The following FNDC3B variants were observed in gnomAD, a reference collection of about 807,000 sequenced individuals.
The protein encoded by FNDC3B is fibronectin type III domain containing 3B, also known as fibronectin type III domain-containing protein 3B.
In FNDC3B, 12 loss-of-function variants were observed where a neutral mutation model predicts 151.5. That is an observed-to-expected ratio of 0.08 (90% confidence interval 0.05 to 0.13). The LOEUF is 0.13. FNDC3B is among the 10% of genes least tolerant of loss of function. FNDC3B has a pLI of 1.00. For synonymous variants in FNDC3B, 528 were observed against 549.0 expected (o/e 0.96, Z 0.54); for missense variants, 1,214 against 1,505.3 (o/e 0.81, Z 3.20).
chr3:172,075,073 G>A (rs1008539163), intron 1 of FNDC3B, among the ~76,000 whole-genome samples: 5 of 152,110 alleles, frequency 3.3e-5, no homozygotes, highest in African/African-American at 7.2e-5. Flanking sequence ...TGAAGGAAGA[G>A]GTCTTTGATG....
chr3:172,341,374 G>A (rs1318459018), intron 17 of FNDC3B, 143 bp downstream of exon 17: 9 of 707,244 alleles, frequency 1.3e-5, no homozygotes, highest in Non-Finnish European at 2.3e-5. Flanking sequence ...GAAAAATAGA[G>A]CTTTCTGAAT....
At chr3:172,205,899 T>C (rs1032747934) in intron 3 of FNDC3B, among the ~76,000 whole-genome samples, 3 of 152,226 alleles carry the variant, frequency 2.0e-5, no homozygotes, top group Non-Finnish European at 2.9e-5. Flanking sequence ...GGCTGGGTAA[T>C]ACATTTTGTT....
chr3:172,154,441 C>T (rs565008605), intron 3 of FNDC3B, among the ~76,000 whole-genome samples: 177 of 152,280 alleles, frequency 1.2e-3, no homozygotes, highest in African/African-American at 4.0e-3. Context: ...GTCCTGACCT[C>T]GTGATCCGCC....
At chr3:172,232,629 A>C (rs1418239727) in intron 4 of FNDC3B, among the ~76,000 whole-genome samples, 1 of 152,152 alleles carries the variant, frequency 6.6e-6, no homozygotes, top group African/African-American at 2.4e-5. Context: ...TCAACTTGAG[A>C]GAAAATATAG....
intron 3 of FNDC3B, among the ~76,000 whole-genome samples, chr3:172,188,699 C>T (rs946197228): frequency 2.0e-5 from 3 of 152,168 alleles, no homozygotes; most frequent in African/African-American, 7.2e-5. Flanking sequence ...GCCACGGCTC[C>T]CGGCCCGAAA....
Position 172,344,083 on chromosome 3 carries a change from C to G in FNDC3B, c.2078-3C>G. On this transcript the variant is annotated splice_polypyrimidine_tract_variant and splice_region_variant and intron_variant, in intron 18 of 25. Coordinates refer to ENST00000415807, the MANE Select transcript of FNDC3B (RefSeq NM_022763.4). ...TAAGATGAAAAAAATTCTTCATTCCCAGATGTTCCTGCATCGGAAAGTGGC... is the reference window on the plus strand; with the variant it reads ...TAAGATGAAAAAAATTCTTCATTCCGAGATGTTCCTGCATCGGAAAGTGGC... 1 of 1,606,188 alleles carries G rather than the reference C, an allele frequency of 6.2e-7. No individual in the cohort carries two copies. Among genetic ancestry groups the G allele is most frequent in the Non-Finnish European group, 8.5e-7 (1 of 1,176,000 alleles).
chr3:172,386,680 G>A (rs1735724957), intron 25 of FNDC3B, among the ~76,000 whole-genome samples: 1 of 150,166 alleles, frequency 6.7e-6, no homozygotes, highest in Non-Finnish European at 1.5e-5. Flanking sequence ...AGCAGAGCTT[G>A]CAGTGAGCCG....
intron 3 of FNDC3B, among the ~76,000 whole-genome samples, chr3:172,207,093 TG>T (rs376275160): frequency 0.41 from 61,700 of 151,678 alleles, 13,526 homozygotes; most frequent in Non-Finnish European, 0.49. Flanking sequence ...CCCAGAGAAT[TG>T]GTAGTCCCAA....
chr3:172,049,596 C>T (rs181428733), intron 1 of FNDC3B, among the ~76,000 whole-genome samples: 1 of 152,176 alleles, frequency 6.6e-6, no homozygotes, highest in East Asian at 1.9e-4. Flanking sequence ...GGCGCGATCT[C>T]GGCTCACCCT....
intron 11 of FNDC3B, among the ~76,000 whole-genome samples, chr3:172,323,031 T>C (rs1313924292): frequency 6.6e-6 from 1 of 152,070 alleles, no homozygotes; most frequent in Non-Finnish European, 1.5e-5. Context: ...TTTTAGTTTT[T>C]GTTTGTTTGT....
chr3:172,255,551 T>A (rs1395050876), intron 6 of FNDC3B, among the ~76,000 whole-genome samples: 1 of 152,208 alleles, frequency 6.6e-6, no homozygotes, highest in Non-Finnish European at 1.5e-5. Context: ...ATGACAAGCG[T>A]GAGCCACTGC....
chr3:172,189,312 G>C (rs890325986), intron 3 of FNDC3B, among the ~76,000 whole-genome samples: 1 of 152,116 alleles, frequency 6.6e-6, no homozygotes, highest in Non-Finnish European at 1.5e-5. Flanking sequence ...GAACAAATTA[G>C]CTGGAGGCCA....
chr3:172,063,029 A>G (rs538472087), intron 1 of FNDC3B, among the ~76,000 whole-genome samples: 7 of 152,108 alleles, frequency 4.6e-5, no homozygotes, highest in African/African-American at 1.7e-4. Context: ...AGATTTTAAG[A>G]TTTCTCTTTT....
chr3:172,069,026 C>T (rs1433677210), intron 1 of FNDC3B, among the ~76,000 whole-genome samples: 1 of 152,182 alleles, frequency 6.6e-6, no homozygotes, highest in Non-Finnish European at 1.5e-5. Flanking sequence ...ACATCATTCC[C>T]CTCCTGAAAC....
rs140399271 is a variant in FNDC3B, at chr3:172,341,150, C to T, written c.1890C>T (p.Thr630=). The T allele has an allele frequency of 3.9e-5, 63 of 1,614,130 alleles. No homozygotes were observed. The East Asian group carries it at 8.9e-4, about 23-fold the overall frequency. ...AAGTGGCCTACAGTGGGTCGGCTAC[C>T]GAATACACCTTCACCCACTTGAAAC... is the stretch of plus-strand genomic sequence containing the variant. ...QWEVAYSGSA[T]EYTFTHLKPG... The change falls in exon 17 of 26, where the codon ACC becomes ACT. Residue 630 remains threonine, a synonymous_variant. Coordinates refer to ENST00000415807, the MANE Select transcript of FNDC3B (RefSeq NM_022763.4).
intron 3 of FNDC3B, chr3:172,186,681 C>T (rs918158260): frequency 1.4e-6 from 1 of 695,060 alleles, no homozygotes; most frequent in African/African-American, 1.8e-5. Flanking sequence ...CATTTAGTAC[C>T]TCCCTATCTT....
At chr3:172,146,551 T>G (rs559554904) in intron 3 of FNDC3B, among the ~76,000 whole-genome samples, 1 of 152,316 alleles carries the variant, frequency 6.6e-6, no homozygotes, top group South Asian at 2.1e-4. Flanking sequence ...CATTTGAATA[T>G]GTAGTGAGGT....
At chr3:172,130,667 C>T (rs759997869) in intron 2 of FNDC3B, among the ~76,000 whole-genome samples, 7 of 152,156 alleles carry the variant, frequency 4.6e-5, no homozygotes, top group African/African-American at 1.4e-4. Flanking sequence ...GACGACAGTC[C>T]GGACATGTCC....
intron 1 of FNDC3B, among the ~76,000 whole-genome samples, chr3:172,098,539 T>TA (rs1001490367): frequency 2.6e-5 from 4 of 152,228 alleles, no homozygotes; most frequent in African/African-American, 9.6e-5. Context: ...TTTGATTTTT[T>TA]AAAAATTGCA....
Sources: allele counts gnomAD v4.1 joint callset (sites outside exome capture counted in the v4.1 genomes callset), GRCh38; gene constraint gnomAD v4.1.1; transcripts MANE v1.5; gene names NCBI Gene and HGNC (gene_info 2026-07-23, HGNC 2026-07-21).